ASIC2: variants seen among roughly 807,000 people sequenced by gnomAD.
ASIC2 encodes the protein acid-sensing ion channel 2.
ASIC2 carries 25 observed loss-of-function variants against 57.3 expected under a neutral mutation model. That is an observed-to-expected ratio of 0.44 (90% CI 0.32 to 0.61). The LOEUF (loss-of-function observed/expected upper bound fraction) is 0.61. Among genes scored for constraint, ASIC2 ranks in the 20% least tolerant of loss-of-function variants. ASIC2 has a pLI of 0.06. For missense variants in ASIC2, 641 were observed against 738.1 expected (o/e 0.87, Z 1.52); for synonymous variants, 319 against 307.5 (o/e 1.04, Z -0.39).
intron 1 of ASIC2, among the ~76,000 whole-genome samples, chr17:33,313,885 C>G (rs1672355399): frequency 6.6e-6 from 1 of 151,958 alleles, no homozygotes; most frequent in Non-Finnish European, 1.5e-5. Context: ...CTTGGCCTGA[C>G]AGAGATGGGA....
intron 1 of ASIC2, among the ~76,000 whole-genome samples, chr17:33,804,480 A>G (rs1297207041): frequency 6.6e-6 from 1 of 152,160 alleles, no homozygotes; most frequent in African/African-American, 2.4e-5. Context: ...TGATGAAGGA[A>G]TGAGTGAATG....
intron 1 of ASIC2, among the ~76,000 whole-genome samples, chr17:33,487,618 T>C (rs1295368874): frequency 1.3e-5 from 2 of 152,188 alleles, no homozygotes; most frequent in Admixed American, 6.5e-5. Context: ...CCTGGGTGTG[T>C]CTGTGAGGGT....
intron 1 of ASIC2, among the ~76,000 whole-genome samples, chr17:33,670,445 G>A (rs1387358345): frequency 6.6e-6 from 1 of 152,202 alleles, no homozygotes; most frequent in Non-Finnish European, 1.5e-5. Flanking sequence ...GAGAAAAAGT[G>A]AGAATTGCAA....
intron 1 of ASIC2, among the ~76,000 whole-genome samples, chr17:34,011,462 C>T (rs1157322885): frequency 6.6e-6 from 1 of 152,150 alleles, no homozygotes; most frequent in Non-Finnish European, 1.5e-5. Context: ...ATTCATAGCC[C>T]AATGTCTTTA....
intron 1 of ASIC2, among the ~76,000 whole-genome samples, chr17:33,189,537 T>A (rs1906331254): frequency 6.6e-6 from 1 of 152,078 alleles, no homozygotes; most frequent in Admixed American, 6.5e-5. Flanking sequence ...TAGATTGTAT[T>A]GAAAAATGCG....
At chr17:33,976,915 T>A (rs1270634410) in intron 1 of ASIC2, among the ~76,000 whole-genome samples, 3 of 152,114 alleles carry the variant, frequency 2.0e-5, no homozygotes. Context: ...TCAGCCATGC[T>A]AATTTTGACA....
At position 33,177,951 on chromosome 17, in the gene ASIC2, C is replaced by T. The variant is rs139152655; in HGVS notation, c.709-65884G>A. Reference sequence around the variant, plus strand: ...TGTGAGACCTGATCAAAACTGAGGGCCTTTTCTCCAGGAAAAAAATAACCT... The same window carrying T: ...TGTGAGACCTGATCAAAACTGAGGGTCTTTTCTCCAGGAAAAAAATAACCT... On this transcript the variant is annotated intron_variant, in intron 1 of 9. Coordinates refer to ENST00000225823, the MANE Select transcript of ASIC2 (RefSeq NM_183377.2). Among the ~76,000 whole-genome samples the T allele has an allele frequency of 1.2e-3, 180 of 152,200 alleles. 4 individuals are homozygous for T. The East Asian group carries it at 0.029, about 25-fold the overall frequency.
At chr17:33,989,122 A>G (rs1905921452) in intron 1 of ASIC2, among the ~76,000 whole-genome samples, 1 of 152,114 alleles carries the variant, frequency 6.6e-6, no homozygotes, top group South Asian at 2.1e-4. Context: ...TCTGAACTTG[A>G]AGCCCTTTTT....
intron 1 of ASIC2, among the ~76,000 whole-genome samples, chr17:33,697,087 T>G (rs1908551658): frequency 6.6e-6 from 1 of 152,154 alleles, no homozygotes; most frequent in Non-Finnish European, 1.5e-5. Flanking sequence ...TCCCTACTCC[T>G]ACTCCTGCTC....
intron 1 of ASIC2, chr17:33,793,791 T>C (rs1027287999): frequency 2.0e-5 from 3 of 152,302 alleles, no homozygotes; most frequent in African/African-American, 7.2e-5. Flanking sequence ...CAGCTAATAA[T>C]ATACTTCGTC....
rs190630594 is a variant in ASIC2 at position 34,095,247 on chromosome 17, G to C, written c.555+60731C>G. Among the ~76,000 whole-genome samples the C allele has an allele frequency of 4.2e-4, 64 of 152,240 alleles. No homozygotes were observed. In the East Asian group the frequency reaches 0.011, roughly 26 times the overall value. On this transcript the variant is annotated intron_variant, in intron 1 of 9. Coordinates refer to the ASIC2 transcript ENST00000359872. ...AGGTGAACAGAGCTCTGGAGCCCCAGGTGGGCACAGTGGATCAGCCTGGCT... is the reference window on the plus strand; with the variant it reads ...AGGTGAACAGAGCTCTGGAGCCCCACGTGGGCACAGTGGATCAGCCTGGCT...
At chr17:34,040,008 C>T in intron 1 of ASIC2, 1 of 564,482 alleles carries the variant, frequency 1.8e-6, no homozygotes, top group Non-Finnish European at 2.7e-6. Context: ...GCGCCGCAAC[C>T]CCCCGCCCGG....
chr17:33,239,355 C>CAGCTCTTCAGCTCT (rs1908419575), intron 1 of ASIC2, among the ~76,000 whole-genome samples: 1 of 152,078 alleles, frequency 6.6e-6, no homozygotes, highest in African/African-American at 2.4e-5. Context: ...AATTGTAATC[C>CAGCTCTTCAGCTCT]CCCGGCCCCA....
intron 1 of ASIC2, among the ~76,000 whole-genome samples, chr17:33,749,431 C>T (rs571556554): frequency 1.1e-4 from 16 of 152,116 alleles, no homozygotes; most frequent in East Asian, 5.8e-4. Context: ...GTGGGAGGGG[C>T]GCTTTCACCA....
chr17:33,101,166 C>T (rs887367475), intron 2 of ASIC2, among the ~76,000 whole-genome samples: 13 of 152,228 alleles, frequency 8.5e-5, no homozygotes, highest in South Asian at 2.1e-4. Context: ...TAGGACCTGG[C>T]ACCATGACAA....
chr17:33,717,326 A>T (rs1047909252), intron 1 of ASIC2, among the ~76,000 whole-genome samples: 4 of 152,230 alleles, frequency 2.6e-5, no homozygotes, highest in Non-Finnish European at 5.9e-5. Context: ...ATAGGTAGAG[A>T]GCAAAGGCAA....
intron 1 of ASIC2, chr17:33,980,945 T>TTTTTTTC (rs1190484851): frequency 6.9e-6 from 1 of 145,688 alleles, no homozygotes; most frequent in Non-Finnish European, 1.5e-5. Flanking sequence ...AAGTGTAATT[T>TTTTTTTC]TTTTTTTTTT....
At chr17:33,778,716 C>T (rs1038676275) in intron 1 of ASIC2, among the ~76,000 whole-genome samples, 4 of 152,140 alleles carry the variant, frequency 2.6e-5, no homozygotes, top group Non-Finnish European at 5.9e-5. Flanking sequence ...CTCTGAGCCT[C>T]GACGTCCTCT....
At chr17:33,895,738 T>G (rs1218606332) in intron 1 of ASIC2, among the ~76,000 whole-genome samples, 1 of 152,242 alleles carries the variant, frequency 6.6e-6, no homozygotes, top group Non-Finnish European at 1.5e-5. Context: ...CTGATTATCC[T>G]CTACCATGCT....
Sources: allele counts gnomAD v4.1 joint callset (sites outside exome capture counted in the v4.1 genomes callset), GRCh38; gene constraint gnomAD v4.1.1; transcripts MANE v1.5; gene names NCBI Gene and HGNC (gene_info 2026-07-23, HGNC 2026-07-21).